The following OCA2 variants were observed in gnomAD, a reference collection of about 807,000 sequenced individuals.
The protein encoded by OCA2 is P protein.
Under a neutral mutation model 100.2 loss-of-function variants are expected in OCA2, and 77 were observed. The observed-to-expected ratio is 0.77, with a 90% CI of 0.64 to 0.93. The LOEUF is 0.93. Among genes scored for constraint, OCA2 ranks in the 40% least tolerant of loss-of-function variants. The pLI is 0.00. For missense variants in OCA2, 1,062 were observed against 1,089.1 expected, an observed-to-expected ratio of 0.98 and a Z score of 0.35; for synonymous variants, 432 against 439.2, an observed-to-expected ratio of 0.98 and a Z score of 0.21.
intron 18 of OCA2, among the ~76,000 whole-genome samples, chr15:27,938,889 G>A (rs548183725): frequency 5.3e-5 from 8 of 152,258 alleles, no homozygotes; most frequent in African/African-American, 1.7e-4. Context: ...GCTCTGCCCC[G>A]AGGACTGCAC....
intron 18 of OCA2, among the ~76,000 whole-genome samples, chr15:27,948,121 T>A (rs1353912946): frequency 6.6e-6 from 1 of 152,082 alleles, no homozygotes; most frequent in Non-Finnish European, 1.5e-5. Flanking sequence ...TGAGTCTAGC[T>A]GGGAAGGGGG....
intron 18 of OCA2, among the ~76,000 whole-genome samples, chr15:27,949,505 A>C (rs1288943480): frequency 6.6e-6 from 1 of 152,132 alleles, no homozygotes; most frequent in Non-Finnish European, 1.5e-5. Context: ...TCTACTAAAA[A>C]TACAAAAATT....
chr15:28,064,913 T>C (rs1175685908), intron 2 of OCA2, among the ~76,000 whole-genome samples: 1 of 151,952 alleles, frequency 6.6e-6, no homozygotes, highest in African/African-American at 2.4e-5. Flanking sequence ...CAGTGGTTGC[T>C]GTTGTTGTCA....
chr15:27,954,052 C>G (rs571935466), intron 17 of OCA2, among the ~76,000 whole-genome samples: 1 of 151,726 alleles, frequency 6.6e-6, no homozygotes, highest in Admixed American at 6.6e-5. Context: ...TCACCAAGTC[C>G]ATCCAGGTTG....
At chr15:27,778,383 G>C (rs780356653) in intron 23 of OCA2, among the ~76,000 whole-genome samples, 2 of 152,194 alleles carry the variant, frequency 1.3e-5, no homozygotes, top group Non-Finnish European at 2.9e-5. Context: ...AAACAAAAGA[G>C]AGGAAAGTCT....
At chr15:27,783,290 T>C (rs1051322600) in intron 23 of OCA2, among the ~76,000 whole-genome samples, 6 of 152,092 alleles carry the variant, frequency 3.9e-5, no homozygotes. Flanking sequence ...ACCAGGTCAG[T>C]TTTTAGAATG....
At chr15:27,729,987 C>T in the OCA2 span, among the ~76,000 whole-genome samples, 1 of 152,184 alleles carries the variant, frequency 6.6e-6, no homozygotes, top group Non-Finnish European at 1.5e-5. Context: ...CTGACAACAA[C>T]TAGGTGTCCA....
intron 14 of OCA2, among the ~76,000 whole-genome samples, chr15:27,968,149 T>C (rs760714249): frequency 4.6e-5 from 7 of 152,266 alleles, no homozygotes; most frequent in Non-Finnish European, 7.3e-5. Context: ...GTTGGTTCTG[T>C]TCTTTCACAG....
intron 1 of OCA2, 150 bp from the exon 2 acceptor site, chr15:28,082,045 T>C (rs913723960): frequency 2.9e-6 from 2 of 687,826 alleles, no homozygotes; most frequent in East Asian, 2.7e-5. Context: ...TTCACCCTAG[T>C]GAGAAGTGAA....
At chr15:27,833,830 C>A (rs931466545) in intron 23 of OCA2, among the ~76,000 whole-genome samples, 1 of 152,182 alleles carries the variant, frequency 6.6e-6, no homozygotes, top group African/African-American at 2.4e-5. Flanking sequence ...CTCACCCCAG[C>A]ATCCATGGAG....
intron 23 of OCA2, among the ~76,000 whole-genome samples, chr15:27,770,324 A>G (rs934958479): frequency 1.1e-4 from 17 of 152,088 alleles, no homozygotes; most frequent in Admixed American, 2.6e-4. Flanking sequence ...GGGGCCAGGG[A>G]CGGGCAACGC....
chr15:27,750,240 C>A (rs1179673086), downstream of OCA2, among the ~76,000 whole-genome samples: 1 of 152,182 alleles, frequency 6.6e-6, no homozygotes, highest in Non-Finnish European at 1.5e-5. Flanking sequence ...AGAAGTAGAA[C>A]GTCTCCTTCA....
intron 9 of OCA2, among the ~76,000 whole-genome samples, chr15:28,007,103 C>T (rs2042111350): frequency 6.6e-6 from 1 of 152,152 alleles, no homozygotes; most frequent in African/African-American, 2.4e-5. Context: ...GCTACAATTA[C>T]ATAAAGTGGG....
chr15:27,978,778 C>T lies in OCA2; in HGVS notation c.1503+4567G>A, dbSNP rs186265619. ...TTGTCTCACTGCAACCTCCATCTTC[C>T]GGGTTCAAGCGATTCTCCTGCCTCA... On this transcript the variant is annotated intron_variant, in intron 14 of 23. Transcript: ENST00000354638. Among the ~76,000 whole-genome samples the T allele has an allele frequency of 2.2e-3, 331 of 151,960 alleles. 1 individual carries two copies. The highest frequency in any genetic ancestry group is 7.6e-3 in the African/African-American group (313 of 41,434).
chr15:28,067,652 T>C (rs1474835175), intron 2 of OCA2, among the ~76,000 whole-genome samples: 1 of 152,226 alleles, frequency 6.6e-6, no homozygotes, highest in Non-Finnish European at 1.5e-5. Flanking sequence ...TTTTCCAAGA[T>C]CTTATTGGTA....
intron 23 of OCA2, among the ~76,000 whole-genome samples, chr15:27,772,817 C>T (rs1397356487): frequency 1.5e-5 from 2 of 134,686 alleles, no homozygotes; most frequent in African/African-American, 5.7e-5. Flanking sequence ...CTCCAGCCTG[C>T]GTGACAGAGG....
At chr15:27,752,613 C>A (rs943230183), downstream of OCA2, among the ~76,000 whole-genome samples, 1 of 152,170 alleles carries the variant, frequency 6.6e-6, no homozygotes, top group African/African-American at 2.4e-5. Flanking sequence ...CCCTGGCTTC[C>A]AGCTAGCTCA....
intron 4 of OCA2, among the ~76,000 whole-genome samples, chr15:28,026,169 T>C (rs1184021269): frequency 1.3e-5 from 2 of 152,216 alleles, no homozygotes; most frequent in African/African-American, 2.4e-5. Context: ...TTTTTAGACA[T>C]GTTATAAAGA....
At position 27,763,716 on chromosome 15, in the gene OCA2, G is replaced by A. The variant is rs991556641; in HGVS notation, c.2433-8244C>T. On this transcript the variant is annotated intron_variant, in intron 23 of 23. Coordinates refer to ENST00000354638, the MANE Select transcript of OCA2 (RefSeq NM_000275.3). ...AGGCAGGCACCCTCCTGGGAAGCAG[G>A]GCTGCTGGGCTGGGAGGAGACTGTG... Among the ~76,000 whole-genome samples, 11 of 152,336 alleles carry A rather than the reference G, an allele frequency of 7.2e-5. No individual in the cohort carries two copies. The East Asian group carries it at 2.1e-3, about 29-fold the overall frequency.
Sources: gnomAD v4.1 joint callset for allele counts (sites outside exome capture counted in the v4.1 genomes callset) on GRCh38, gnomAD v4.1.1 for gene constraint, MANE v1.5 for transcripts, NCBI Gene and HGNC (gene_info 2026-07-23, HGNC 2026-07-21) for gene names.